Variants in RARB observed in about 807,000 individuals in gnomAD.
RARB encodes HBV-activated protein.
RARB carries 17 observed loss-of-function variants against 51.9 expected under a neutral mutation model. The ratio of observed to expected loss-of-function variants is 0.33; its 90% CI spans 0.22 to 0.49. The LOEUF is 0.49. Among genes scored for constraint, RARB ranks in the 20% least tolerant of loss-of-function variants. The pLI is 0.99. For missense variants in RARB, 369 were observed against 550.8 expected (o/e 0.67, Z 3.30); for synonymous variants, 215 against 195.4 (o/e 1.10, Z -0.84).
chr3:25,330,485 G>T (rs1333936988), intron 5 of RARB, among the ~76,000 whole-genome samples: 2 of 152,118 alleles, frequency 1.3e-5, no homozygotes, highest in African/African-American at 4.8e-5. Context: ...GTCACAACCA[G>T]GCCTGCCCTA....
chr3:25,270,905 T>C (rs1703242676), intron 5 of RARB, among the ~76,000 whole-genome samples: 1 of 152,186 alleles, frequency 6.6e-6, no homozygotes, highest in African/African-American at 2.4e-5. Flanking sequence ...AATCTAATAT[T>C]ACTGGTAAGT....
At position 25,516,631 on chromosome 3, in the gene RARB, C is replaced by CTTTTTTTTTTTTTTTTTTT. The variant is rs559135603; in HGVS notation, c.448+15321_448+15322insTTTTTTTTTTTTTTTTTTT. Among the ~76,000 whole-genome samples, 242 of 131,542 alleles carry CTTTTTTTTTTTTTTTTTTT rather than the reference C, an allele frequency of 1.8e-3. 12 individuals carry two copies. The highest frequency in any genetic ancestry group is 7.0e-3 in the African/African-American group (212 of 30,332). The allele number at this position is 131,542 out of a possible 152,430, so 86.3% of individuals were successfully genotyped here. On this transcript the variant is annotated intron_variant, in intron 3 of 7. Coordinates refer to ENST00000330688, the MANE Select transcript of RARB (RefSeq NM_000965.5). ...CAAAGGTTCATCTTTATTTCCTTGT[C>CTTTTTTTTTTTTTTTTTTT]TTTTTTTTTTTTTGAGACAGGGTCA...
At chr3:24,866,387 CTATT>C (rs1401496386) in intron 2 of RARB, among the ~76,000 whole-genome samples, 4 of 152,152 alleles carry the variant, frequency 2.6e-5, no homozygotes, top group African/African-American at 9.7e-5. Context: ...GCCTCATAAA[CTATT>C]TAAACTGACA....
chr3:25,013,112 T>C (rs1242220815), intron 2 of RARB, among the ~76,000 whole-genome samples: 2 of 152,072 alleles, frequency 1.3e-5, no homozygotes, highest in Admixed American at 6.6e-5. Flanking sequence ...CAAGTTCTAG[T>C]CCATTTGAAT....
At chr3:25,215,591 G>T (rs1030626275) in intron 5 of RARB, among the ~76,000 whole-genome samples, 2 of 152,130 alleles carry the variant, frequency 1.3e-5, no homozygotes, top group African/African-American at 4.8e-5. Flanking sequence ...GGGAACCCGT[G>T]CCTGAGGAAC....
chr3:25,114,032 G>C (rs1699646017), intron 3 of RARB, among the ~76,000 whole-genome samples: 1 of 152,172 alleles, frequency 6.6e-6, no homozygotes, highest in Admixed American at 6.5e-5. Flanking sequence ...TATAAGAAGT[G>C]TTTTGTCAAC....
chr3:25,320,395 A>C (rs968239462), intron 5 of RARB, among the ~76,000 whole-genome samples: 1 of 152,106 alleles, frequency 6.6e-6, no homozygotes, highest in African/African-American at 2.4e-5. Flanking sequence ...ACTCTGGCTG[A>C]TCGTCTTTAG....
intron 3 of RARB, among the ~76,000 whole-genome samples, chr3:25,066,731 A>C (rs1163385080): frequency 6.6e-6 from 1 of 152,114 alleles, no homozygotes; most frequent in Non-Finnish European, 1.5e-5. Flanking sequence ...CATTGTAGAA[A>C]ATTCCAAAAA....
At chr3:25,161,592 C>G (rs1232015623) in intron 4 of RARB, among the ~76,000 whole-genome samples, 1 of 152,114 alleles carries the variant, frequency 6.6e-6, no homozygotes, top group Non-Finnish European at 1.5e-5. Flanking sequence ...ATGTAAAACA[C>G]TCAAGATTCT....
At chr3:25,258,614 G>C (rs1205460534) in intron 5 of RARB, among the ~76,000 whole-genome samples, 1 of 152,084 alleles carries the variant, frequency 6.6e-6, no homozygotes, top group African/African-American at 2.4e-5. Flanking sequence ...TCTGTTTTCT[G>C]TTGCTGTAAT....
At chr3:25,135,406 T>A (rs552105385) in intron 4 of RARB, among the ~76,000 whole-genome samples, 1 of 151,968 alleles carries the variant, frequency 6.6e-6, no homozygotes, top group Admixed American at 6.6e-5. Flanking sequence ...CCCATTTACC[T>A]GGATATCTGA....
chr3:25,252,103 T>C (rs1206236365), intron 5 of RARB, among the ~76,000 whole-genome samples: 3 of 152,186 alleles, frequency 2.0e-5, no homozygotes, highest in Admixed American at 2.0e-4. Flanking sequence ...GCACCATTTG[T>C]TAAAAAGATT....
At chr3:25,164,131 C>T (rs1700522850) in intron 4 of RARB, among the ~76,000 whole-genome samples, 1 of 152,050 alleles carries the variant, frequency 6.6e-6, no homozygotes, top group Non-Finnish European at 1.5e-5. Flanking sequence ...TACAGTCTGG[C>T]CACTGGGGAG....
chr3:25,058,734 T>G (rs996681022), intron 2 of RARB, among the ~76,000 whole-genome samples: 4 of 151,780 alleles, frequency 2.6e-5, no homozygotes, highest in African/African-American at 9.7e-5. Flanking sequence ...ACCAATTGAT[T>G]ATGCAATTGA....
intron 2 of RARB, among the ~76,000 whole-genome samples, chr3:24,906,938 G>A (rs1694880520): frequency 6.6e-6 from 1 of 151,208 alleles, no homozygotes; most frequent in Non-Finnish European, 1.5e-5. Context: ...CAGTATTGTT[G>A]TTGGATCAAG....
intron 2 of RARB, among the ~76,000 whole-genome samples, chr3:25,039,243 G>A (rs1698064672): frequency 6.6e-6 from 1 of 152,298 alleles, no homozygotes; most frequent in Middle Eastern, 3.4e-3. Flanking sequence ...GAAGTGGGAA[G>A]CTAAGAATGT....
intron 4 of RARB, among the ~76,000 whole-genome samples, chr3:25,136,608 A>C (rs998536091): frequency 2.0e-5 from 3 of 152,070 alleles, no homozygotes; most frequent in African/African-American, 7.2e-5. Context: ...GGCCATAGAA[A>C]ATCACAATAA....
intron 2 of RARB, among the ~76,000 whole-genome samples, chr3:25,031,576 A>G (rs1697877302): frequency 6.6e-6 from 1 of 152,106 alleles, no homozygotes; most frequent in African/African-American, 2.4e-5. Flanking sequence ...AACTAAGTAG[A>G]TTCATTTATG....
intron 1 of RARB, among the ~76,000 whole-genome samples, chr3:24,835,464 G>T (rs1702332483): frequency 6.6e-6 from 1 of 152,162 alleles, no homozygotes; most frequent in Non-Finnish European, 1.5e-5. Context: ...GCTTTTAAAT[G>T]ATGATTACTA....
Sources: allele counts gnomAD v4.1 joint callset (sites outside exome capture counted in the v4.1 genomes callset), GRCh38; gene constraint gnomAD v4.1.1; transcripts MANE v1.5; gene names NCBI Gene and HGNC (gene_info 2026-07-23, HGNC 2026-07-21).